Variants in RANGAP1 observed in about 807,000 individuals in gnomAD.
RANGAP1 encodes ran GTPase-activating protein 1.
A neutral mutation model predicts 63.5 loss-of-function variants in RANGAP1; 38 were observed. The ratio of observed to expected loss-of-function variants is 0.60; its 90% confidence interval spans 0.46 to 0.78. RANGAP1 has a LOEUF of 0.78. RANGAP1 is among the 30% of genes least tolerant of loss of function. The pLI, the probability that RANGAP1 is intolerant of heterozygous loss-of-function variation, is 0.00. For missense variants in RANGAP1, 630 were observed against 740.3 expected (o/e 0.85, Z 1.73); for synonymous variants, 329 against 310.5 (o/e 1.06, Z -0.63).
Position 41,249,934 on chromosome 22 carries a change from G to A in RANGAP1, c.1484-117C>T, listed in dbSNP as rs533055474. The A allele has an allele frequency of 4.9e-5, 42 of 848,542 alleles. No individual in the cohort carries two copies. The Admixed American group carries it at 7.8e-4, about 16-fold the overall frequency. The allele number at this position is 848,542 out of a possible 1,614,324, so 52.6% of individuals were successfully genotyped here. A position where few individuals can be genotyped will look rare whatever the true frequency, so the allele number is the denominator to read the frequency against. On this transcript the variant is annotated intron_variant, in intron 13 of 15. Coordinates refer to ENST00000356244, the MANE Select transcript of RANGAP1 (RefSeq NM_002883.4). ...GGCTCGCCTGCCTCCTCGCCCTGAC[G>A]AAGAGGCGAACACGAGAGGGACGGC...
intron 4 of RANGAP1, among the ~76,000 whole-genome samples, 173 bp from the exon 5 acceptor site, chr22:41,265,016 TA>T (rs2034386228): frequency 6.6e-6 from 1 of 152,202 alleles, no homozygotes. Context: ...AAAGGGCTCC[TA>T]ACAGCTGGAG....
the RANGAP1 span, among the ~76,000 whole-genome samples, chr22:41,298,468 C>T: frequency 6.6e-6 from 1 of 152,130 alleles, no homozygotes; most frequent in Non-Finnish European, 1.5e-5. Flanking sequence ...GTGCGTGCCA[C>T]CACACCTGGC....
rs2034165688 is a variant in RANGAP1 at position 41,261,479 on chromosome 22, A to G, written c.582T>C (p.Asn194=). 6.2e-7 allele frequency: 1 copy of G among 1,614,212 alleles called. No individual in the cohort carries two copies. The highest frequency in any genetic ancestry group is 8.5e-7 in the Non-Finnish European group (1 of 1,180,036). The change falls in exon 6 of 16, where the codon AAT becomes AAC. Residue 194 remains asparagine, a synonymous_variant. Coordinates refer to ENST00000356244, the MANE Select transcript of RANGAP1 (RefSeq NM_002883.4). ...CTTCTGCCAAGGCAGTGGCGCCATC[A>G]TTCTCCAGACGGTTTCTGCCAGCCA... is the stretch of plus-strand genomic sequence containing the variant. ...VFVAGRNRLE[N]DGATALAEAF...
At chr22:41,290,388 C>T (rs1011749368), upstream of RANGAP1, among the ~76,000 whole-genome samples, 4 of 151,966 alleles carry the variant, frequency 2.6e-5, no homozygotes, top group South Asian at 4.1e-4. Context: ...CACCACCATG[C>T]CCAGCTTATT....
intron 10 of RANGAP1, chr22:41,254,696 G>A: frequency 1.0e-6 from 1 of 957,578 alleles, no homozygotes; most frequent in East Asian, 1.2e-4. Context: ...AGATCGGCCC[G>A]GCGCGGTGGC....
intron 13 of RANGAP1, 26 bp downstream of exon 13, chr22:41,250,981 C>T (rs1434017031): frequency 2.5e-6 from 4 of 1,601,746 alleles, no homozygotes; most frequent in Admixed American, 1.7e-5. Context: ...ACAGAGGGCA[C>T]CCAGGTCTCA....
intron 2 of RANGAP1, chr22:41,277,522 CAT>C (rs2035228014): frequency 8.4e-7 from 1 of 1,193,406 alleles, no homozygotes; most frequent in Non-Finnish European, 1.1e-6. Flanking sequence ...AGTAGGGTGA[CAT>C]GTGGGAGGGA....
intron 1 of RANGAP1, among the ~76,000 whole-genome samples, chr22:41,282,782 C>T (rs1388917675): frequency 6.6e-6 from 1 of 152,184 alleles, no homozygotes; most frequent in Non-Finnish European, 1.5e-5. Flanking sequence ...AACATCACTA[C>T]ATACCTGAAT....
rs974636081 is a variant in RANGAP1, at chr22:41,285,615, G to T, written c.-39+371C>A. 3.0e-6 allele frequency: 3 copies of T among 985,326 alleles called. No individual in the cohort carries two copies. The African/African-American group carries it at 5.2e-5, about 17-fold the overall frequency. 61.0% of individuals were successfully genotyped at this position (985,326 alleles called of 1,614,324 possible). On this transcript the variant is annotated intron_variant, in intron 1 of 15. Coordinates refer to ENST00000356244, the MANE Select transcript of RANGAP1 (RefSeq NM_002883.4). Reference sequence around the variant, plus strand: ...GGGCCTGCTGGGAGGTGGCTCTGCGGGAGCGACGCGCGAATACAGGCCGCA... The same window carrying T: ...GGGCCTGCTGGGAGGTGGCTCTGCGTGAGCGACGCGCGAATACAGGCCGCA...
intron 3 of RANGAP1, among the ~76,000 whole-genome samples, chr22:41,271,692 CA>C (rs55943126): frequency 0.023 from 2,630 of 113,008 alleles, 67 homozygotes; most frequent in African/African-American, 0.072. Context: ...GACTCCGTCT[CA>C]AAAAAAAAAA....
Position 41,246,505 on chromosome 22 carries a change from G to A in RANGAP1, c.*98C>T. 7.5e-7 allele frequency: 1 copy of A among 1,337,296 alleles called. No individual in the cohort carries two copies. The highest frequency in any genetic ancestry group is 1.0e-6 in the Non-Finnish European group (1 of 963,046). The allele number at this position is 1,337,296 out of a possible 1,614,324, so 82.8% of individuals were successfully genotyped here. A position where few individuals can be genotyped will look rare whatever the true frequency, so the allele number is the denominator to read the frequency against. On this transcript the variant is annotated 3_prime_UTR_variant, in exon 16 of 16. Coordinates refer to ENST00000356244, the MANE Select transcript of RANGAP1 (RefSeq NM_002883.4). ...CACAGACCCGCCCTGCCTGTGGCCA[G>A]AGTCCTGTCCAAGGCAATGGCGTAG... is the stretch of plus-strand genomic sequence containing the variant.
chr22:41,261,387 G>A, intron 6 of RANGAP1, 59 bp downstream of exon 6: 8 of 1,605,840 alleles, frequency 5.0e-6, no homozygotes, highest in Middle Eastern at 1.7e-4. Context: ...AGAACTGTCA[G>A]CCTACTATGC....
At chr22:41,280,333 G>C (rs543415071) in intron 2 of RANGAP1, among the ~76,000 whole-genome samples, 1 of 152,296 alleles carries the variant, frequency 6.6e-6, no homozygotes, top group Admixed American at 6.5e-5. Flanking sequence ...ACTTGCAGGT[G>C]CCAGGTGATT....
In RANGAP1 at chr22:41,251,102, G is replaced by C. The variant is rs761024189; in HGVS notation, c.1388C>G (p.Thr463Arg). The change falls in exon 13 of 16, where the codon ACG (threonine) becomes AGG (arginine). Residue 463 changes from threonine to arginine, a missense_variant. This residue lies in a region of RANGAP1 where 428 missense variants were observed against 465.5 expected (regional missense o/e 0.92). Transcript: ENST00000356244. ...SSVLIAQQTD[T>R]SDPEKVVSAF... ...AGAGACCACCTTCTCGGGGTCAGAC[G>C]TGTCAGTCTGAGGACAAAAGAGACA... 6.2e-7 allele frequency: 1 copy of C among 1,613,520 alleles called. No homozygotes were observed. The highest frequency in any genetic ancestry group is 1.7e-5 in the Admixed American group (1 of 59,928).
At chr22:41,261,137 T>C (rs2034144366) in intron 6 of RANGAP1, among the ~76,000 whole-genome samples, 1 of 152,196 alleles carries the variant, frequency 6.6e-6, no homozygotes, top group Non-Finnish European at 1.5e-5. Context: ...ACCATCTCAC[T>C]TCACCACTTC....
chr22:41,293,220 G>A, the RANGAP1 span, among the ~76,000 whole-genome samples: 3 of 149,424 alleles, frequency 2.0e-5, no homozygotes, highest in African/African-American at 7.4e-5. Context: ...GGGTGACAGA[G>A]GGAGACTCCT....
At position 41,249,362 on chromosome 22, in the gene RANGAP1, G is replaced by A. The variant is rs756098733; in HGVS notation, c.1662C>T (p.Ala554=). ...CGAACGCCAGCAGCAGGGGTGCAAG[G>A]GCCTTGGGGAAATAGTCCTGCTGCA... is the stretch of plus-strand genomic sequence containing the variant. ...HMVQQDYFPK[A]LAPLLLAFVT... is the part of the protein sequence containing the mutation. The change falls in exon 15 of 16, where the codon GCC becomes GCT. Residue 554 remains alanine, a synonymous_variant. Coordinates refer to ENST00000356244, the MANE Select transcript of RANGAP1 (RefSeq NM_002883.4). 2 of 1,612,724 alleles carry A rather than the reference G, an allele frequency of 1.2e-6. No individual in the cohort carries two copies. The highest frequency in any genetic ancestry group is 3.3e-5 in the Admixed American group (2 of 59,834).
chr22:41,256,026 G>A lies in RANGAP1; in HGVS notation c.1068C>T (p.Ser356=), dbSNP rs150178245. The A allele has an allele frequency of 6.2e-7, 1 of 1,613,352 alleles. No homozygotes were observed. The highest frequency in any genetic ancestry group is 1.1e-5 in the South Asian group (1 of 91,076). ...EGFNMAKVLA[S]LSDDEDEEEE... is the part of the protein sequence containing the mutation. ...GGCCACCCCGAGTTCCCTACCTGAG[G>A]GACGCCAGCACCTTGGCCATGTTGA... Residue 356 remains serine (S), a synonymous_variant, in exon 10 of 16, where the codon TCC becomes TCT. Coordinates refer to ENST00000356244, the MANE Select transcript of RANGAP1 (RefSeq NM_002883.4).
chr22:41,257,915 G>T lies in RANGAP1; in HGVS notation c.774+33C>A. 6.4e-7 allele frequency: 1 copy of T among 1,566,996 alleles called. No individual in the cohort carries two copies. On this transcript the variant is annotated intron_variant, in intron 7 of 15. Transcript: ENST00000356244. The surrounding 1 kb of genome is among the most constrained non-coding windows in gnomAD (Gnocchi z 4.0). ...AGACAGCAGCCAGCCTCTATCTGGCGGGGCCCAACTGGCTCTGCCACACTC... is the reference window on the plus strand; with the variant it reads ...AGACAGCAGCCAGCCTCTATCTGGCTGGGCCCAACTGGCTCTGCCACACTC...
Sources: gnomAD v4.1 joint callset for allele counts (sites outside exome capture counted in the v4.1 genomes callset) on GRCh38, gnomAD v4.1.1 for gene constraint, gnomAD v4.1.1 regional missense constraint, Gnocchi (gnomAD v3.1) non-coding constraint, MANE v1.5 for transcripts, NCBI Gene and HGNC (gene_info 2026-07-23, HGNC 2026-07-21) for gene names.